The following SH3TC1 variants were observed in gnomAD, a reference collection of about 807,000 sequenced individuals.
SH3TC1 encodes the protein SH3 domain and tetratricopeptide repeats 1.
SH3TC1 carries 135 observed loss-of-function variants against 117.3 expected under a neutral mutation model. The observed-to-expected ratio is 1.15, with a 90% confidence interval of 1.00 to 1.33. SH3TC1 has a LOEUF of 1.33. SH3TC1 is among the 40% of genes most tolerant of loss of function. The probability of loss-of-function intolerance (pLI) is 0.00; values close to 1 mark genes in which losing one functional copy is unlikely to be tolerated. For synonymous variants in SH3TC1, 898 were observed against 816.9 expected (o/e 1.10, Z -1.69); for missense variants, 2,092 against 1,794.3 (o/e 1.17, Z -3.00).
chr4:8,236,412 A>G lies in SH3TC1; in HGVS notation c.3540A>G (p.Ala1180=). The G allele has an allele frequency of 6.7e-7, 1 of 1,500,288 alleles. No homozygotes were observed. The highest frequency in any genetic ancestry group is 8.9e-7 in the Non-Finnish European group (1 of 1,118,664). 92.9% of individuals were successfully genotyped at this position (1,500,288 alleles called of 1,614,324 possible). A position where few individuals can be genotyped will look rare whatever the true frequency, so the allele number is the denominator to read the frequency against. ...EGLEFAHMAL[A]LSITLGDRLN... ...TGGAGTTTGCCCACATGGCCCTAGC[A>G]CTCAGCATCACCCTGGGTAAGCCCC... Residue 1180 remains alanine, a synonymous_variant, in exon 16 of 18, where the codon GCA becomes GCG. Transcript: ENST00000245105.
In SH3TC1 at chr4:8,192,809, T is replaced by C. The variant is rs1717456615; in HGVS notation, c.-57+10599T>C. Among the ~76,000 whole-genome samples, 1 of 152,204 alleles carries C rather than the reference T, an allele frequency of 6.6e-6. No homozygotes were observed. Among genetic ancestry groups the C allele is most frequent in the South Asian group, 2.1e-4 (1 of 4,828 alleles). ...GCCCGGCCCACTTGTCTTTATTTGT[T>C]GCCTTCTCTTCTGCTCCGAGTTTAG... On this transcript the variant is annotated intron_variant, in intron 1 of 16. Transcript: ENST00000508641. The surrounding 1 kb of genome is among the most constrained non-coding windows in gnomAD (Gnocchi z 4.1).
intron 17 of SH3TC1, among the ~76,000 whole-genome samples, chr4:8,239,017 G>C (rs80159621): frequency 0.014 from 2,121 of 152,292 alleles, 51 homozygotes; most frequent in African/African-American, 0.046. Flanking sequence ...CCAGGGCCCA[G>C]AGAGGTGGCA....
At chr4:8,236,548 C>A in intron 16 of SH3TC1, 120 bp downstream of exon 16, 1 of 1,316,660 alleles carries the variant, frequency 7.6e-7, no homozygotes, top group Non-Finnish European at 1.0e-6. Flanking sequence ...TCCAGGCAGG[C>A]ACATCTGCCC....
chr4:8,194,596 C>T (rs953958636), upstream of SH3TC1, among the ~76,000 whole-genome samples: 2 of 152,158 alleles, frequency 1.3e-5, no homozygotes, highest in African/African-American at 2.4e-5. Flanking sequence ...AGGCCAGAAA[C>T]GGGGAACAAT....
chr4:8,237,532 G>A lies in SH3TC1; in HGVS notation c.3615G>A (p.Leu1205=), dbSNP rs144815690. The A allele has an allele frequency of 2.4e-4, 390 of 1,609,208 alleles. 4 individuals are homozygous for A. The African/African-American group carries it at 4.8e-3, about 20-fold the overall frequency. ...YHRLAALQHR[L]GHGELAEHFY... is the part of the protein sequence containing the mutation. ...GGCTGGCCGCCCTGCAACACCGACTGGGCCATGGCGAGCTGGCAGAGCACT... is the reference window on the plus strand; with the variant it reads ...GGCTGGCCGCCCTGCAACACCGACTAGGCCATGGCGAGCTGGCAGAGCACT... Residue 1205 remains leucine, a synonymous_variant, in exon 17 of 18, where the codon CTG becomes CTA. Transcript: ENST00000245105.
rs897151919 is a variant in SH3TC1 at position 8,201,874 on chromosome 4, G to C, written c.-29+2469G>C. ...GGGCTGGGAGGCAGGCAGGTGTCCC[G>C]GGCATCAGCCAGTGGATGGAGAGAG... On this transcript the variant is annotated intron_variant, in intron 1 of 17. Coordinates refer to ENST00000245105, the MANE Select transcript of SH3TC1 (RefSeq NM_018986.5). 1.3e-4 allele frequency among the ~76,000 whole-genome samples: 20 copies of C among 152,282 alleles called. No individual in the cohort carries two copies. In the East Asian group the frequency reaches 3.5e-3, roughly 26 times the overall value.
At chr4:8,239,332 CACACATGG>C (rs1426046872) in intron 17 of SH3TC1, among the ~76,000 whole-genome samples, 1 of 148,682 alleles carries the variant, frequency 6.7e-6, no homozygotes, top group Non-Finnish European at 1.5e-5. Context: ...GAGACACATG[CACACATGG>C]ACACGCACAC....
At chr4:8,193,777 G>C (rs942208955) in intron 1 of SH3TC1, among the ~76,000 whole-genome samples, 4 of 152,198 alleles carry the variant, frequency 2.6e-5, no homozygotes, top group African/African-American at 9.7e-5. Context: ...TGGAGGTGGG[G>C]AGTGGGACCG....
In SH3TC1 at chr4:8,227,677, G is replaced by T. The variant is rs1046328935; in HGVS notation, c.1983G>T (p.Leu661=). The T allele has an allele frequency of 2.6e-6, 4 of 1,541,054 alleles. No homozygotes were observed. Among genetic ancestry groups the T allele is most frequent in the African/African-American group, 1.4e-5 (1 of 72,828 alleles). Residue 661 remains leucine, a synonymous_variant, in exon 12 of 18, where the codon CTG becomes CTT. Transcript: ENST00000245105. ...ALRRAVGGQS[L]QAEARACFLL... is the part of the protein sequence containing the mutation. ...GGCGGGCGGTGGGTGGCCAGAGCCT[G>T]CAGGCCGAGGCCCGGGCCTGCTTCC...
At chr4:8,233,202 A>C (rs2291072) in intron 13 of SH3TC1, 161 bp from the exon 14 acceptor site, 558,022 of 1,408,792 alleles carry the variant, frequency 0.4, 113,000 homozygotes, top group Non-Finnish European at 0.42. Context: ...TGTGTGTTCA[A>C]CCCCACCCTC....
intron 16 of SH3TC1, chr4:8,236,842 A>C: frequency 5.7e-6 from 1 of 174,190 alleles, no homozygotes; most frequent in Non-Finnish European, 1.2e-5. Context: ...CCTGCCCCTT[A>C]ATGCCGGGCA....
chr4:8,227,313 C>G lies in SH3TC1; in HGVS notation c.1619C>G (p.Thr540Ser). ...FRSFSDEEEL[T>S]GRLAQARGAA... is the part of the protein sequence containing the mutation. ...AGCTTCAGCGACGAGGAGGAGCTGA[C>G]TGGGCGCCTGGCACAGGCCCGGGGG... Residue 540 changes from threonine (T) to serine (S), a missense_variant, in exon 12 of 18, where the codon ACT becomes AGT. By Grantham distance (58) the Thr-to-Ser change is moderately conservative. Coordinates refer to ENST00000245105, the MANE Select transcript of SH3TC1 (RefSeq NM_018986.5). 1 of 1,610,240 alleles carries G rather than the reference C, an allele frequency of 6.2e-7. No individual in the cohort carries two copies. Among genetic ancestry groups the G allele is most frequent in the South Asian group, 1.1e-5 (1 of 90,834 alleles).
In SH3TC1 at chr4:8,237,539, G is replaced by A. The variant is rs1233155089; in HGVS notation, c.3622G>A (p.Gly1208Ser). The A allele has an allele frequency of 6.2e-7, 1 of 1,609,462 alleles. No homozygotes were observed. Among genetic ancestry groups the A allele is most frequent in the South Asian group, 1.1e-5 (1 of 90,444 alleles). Residue 1208 changes from glycine to serine, a missense_variant, in exon 17 of 18, where the codon GGC (glycine) becomes AGC (serine). By Grantham distance (56) the Gly-to-Ser change is moderately conservative. Coordinates refer to ENST00000245105, the MANE Select transcript of SH3TC1 (RefSeq NM_018986.5). ...CGCCCTGCAACACCGACTGGGCCAT[G>A]GCGAGCTGGCAGAGCACTTCTACCT... is the stretch of plus-strand genomic sequence containing the variant. ...LAALQHRLGH[G>S]ELAEHFYLKA...
rs1218914724 is a variant in SH3TC1, at chr4:8,210,775, G to A, written c.247+953G>A. On this transcript the variant is annotated intron_variant, in intron 3 of 17. Coordinates refer to ENST00000245105, the MANE Select transcript of SH3TC1 (RefSeq NM_018986.5). The surrounding 1 kb of genome is among the most constrained non-coding windows in gnomAD (Gnocchi z 4.1). ...AAAAAAAAAAAAAAAAAAAAAAAAA[G>A]GCCGTCACAGCTCAGGAACCATTGT... Among the ~76,000 whole-genome samples the A allele has an allele frequency of 8.0e-6, 1 of 125,616 alleles. No homozygotes were observed. Among genetic ancestry groups the A allele is most frequent in the African/African-American group, 3.0e-5 (1 of 33,792 alleles). The allele number at this position is 125,616 out of a possible 152,430, so 82.4% of individuals were successfully genotyped here. A position where few individuals can be genotyped will look rare whatever the true frequency, so the allele number is the denominator to read the frequency against.
upstream of SH3TC1, among the ~76,000 whole-genome samples, chr4:8,196,461 G>A (rs563443299): frequency 1.5e-3 from 232 of 152,280 alleles, 1 homozygote; most frequent in Admixed American, 3.4e-3. The surrounding 1 kb of genome is among the most constrained non-coding windows in gnomAD (Gnocchi z 4.6). Flanking sequence ...TGGGCACTGG[G>A]GTGGCAGATG....
chr4:8,237,325 TG>T, intron 16 of SH3TC1, 148 bp from the exon 17 acceptor site: 1 of 631,396 alleles, frequency 1.6e-6, no homozygotes. Context: ...GCTTTGTAGA[TG>T]GGAAAGTGAG....
chr4:8,214,421 C>G (rs1719036385), intron 4 of SH3TC1, 54 bp from the exon 5 acceptor site: 1 of 1,533,594 alleles, frequency 6.5e-7, no homozygotes, highest in Non-Finnish European at 9.0e-7. Flanking sequence ...GTCCTCCTGA[C>G]AGATGCCCCA....
rs148478677 is a variant in SH3TC1 at position 8,233,383 on chromosome 4, A to T, written c.3152A>T (p.Asp1051Val). 61 of 1,613,076 alleles carry T rather than the reference A, an allele frequency of 3.8e-5. No individual in the cohort carries two copies. Among genetic ancestry groups the T allele is most frequent in the Non-Finnish European group, 4.6e-5 (54 of 1,179,620 alleles). Residue 1051 changes from aspartate (D) to valine (V), a missense_variant, in exon 14 of 18, where the codon GAC becomes GTC. Asp to Val is a radical substitution (Grantham distance 152). Transcript: ENST00000245105. ...ACCAGGGCCTACAAATCCGCACTGG[A>T]CTACACCAAACGAAGTCTGGGGATT... The part of the protein sequence containing the change: ...GTERAYKSAL[D>V]YTKRSLGIFI...
intron 3 of SH3TC1, among the ~76,000 whole-genome samples, chr4:8,211,972 G>C (rs1282059176): frequency 1.3e-5 from 2 of 152,212 alleles, no homozygotes; most frequent in South Asian, 2.1e-4. Flanking sequence ...CAGGAGGGAG[G>C]GCCAGGTGTG....
Sources: gnomAD v4.1 joint callset for allele counts (sites outside exome capture counted in the v4.1 genomes callset) on GRCh38, gnomAD v4.1.1 for gene constraint, Gnocchi (gnomAD v3.1) non-coding constraint, MANE v1.5 for transcripts, NCBI Gene and HGNC (gene_info 2026-07-23, HGNC 2026-07-21) for gene names.